The following LRP1B variants were observed in gnomAD, a reference collection of about 807,000 sequenced individuals.
LRP1B encodes LDL receptor related protein 1B.
Under a neutral mutation model 556.6 loss-of-function variants are expected in LRP1B, and 217 were observed. That is an observed-to-expected ratio of 0.39 (90% confidence interval 0.35 to 0.44). The LOEUF (loss-of-function observed/expected upper bound fraction) is 0.44. Ranked by LOEUF, LRP1B falls within the 20% of genes least tolerant of loss-of-function variation. The pLI is 1.00. For missense variants in LRP1B, 5,053 were observed against 5,620.8 expected (o/e 0.90, Z 3.23); for synonymous variants, 2,047 against 1,865.8 (o/e 1.10, Z -2.50).
intron 25 of LRP1B, among the ~76,000 whole-genome samples, chr2:140,882,933 G>A (rs994220591): frequency 5.3e-5 from 8 of 152,158 alleles, no homozygotes; most frequent in African/African-American, 1.4e-4. Context: ...CTTTAGGCTT[G>A]ACAATGACCT....
intron 35 of LRP1B, among the ~76,000 whole-genome samples, chr2:140,736,988 T>C (rs1687968290): frequency 6.6e-6 from 1 of 152,090 alleles, no homozygotes; most frequent in Admixed American, 6.6e-5. Context: ...TAGAGCATTG[T>C]TAAGGCCAAA....
At chr2:140,696,917 T>G (rs531899927) in intron 41 of LRP1B, among the ~76,000 whole-genome samples, 1 of 152,302 alleles carries the variant, frequency 6.6e-6, no homozygotes, top group East Asian at 1.9e-4. Flanking sequence ...TACAGTACAA[T>G]AATTTTATAT....
intron 1 of LRP1B, among the ~76,000 whole-genome samples, chr2:141,841,042 C>T (rs1023516923): frequency 7.9e-5 from 12 of 151,916 alleles, no homozygotes; most frequent in African/African-American, 2.9e-4. Flanking sequence ...AGAGTCAATA[C>T]TTTCTGGAAC....
chr2:140,862,319 A>G lies in LRP1B; in HGVS notation c.4579+5271T>C, dbSNP rs138362656. Among the ~76,000 whole-genome samples the G allele has an allele frequency of 2.2e-3, 335 of 152,298 alleles. 1 individual carries two copies. Among genetic ancestry groups the G allele is most frequent in the African/African-American group, 7.5e-3 (312 of 41,566 alleles). Reference sequence around the variant, plus strand: ...TTCATGGCACATAAAACTTGTATGAAATTCAAATTTCAGTGTCCAGAAATT... The same window carrying G: ...TTCATGGCACATAAAACTTGTATGAGATTCAAATTTCAGTGTCCAGAAATT... On this transcript the variant is annotated intron_variant, in intron 27 of 90. Coordinates refer to ENST00000389484, the MANE Select transcript of LRP1B (RefSeq NM_018557.3).
chr2:140,574,410 T>A (rs1000842154), intron 43 of LRP1B, among the ~76,000 whole-genome samples: 1 of 152,198 alleles, frequency 6.6e-6, no homozygotes, highest in Admixed American at 6.5e-5. Context: ...CTACACAATG[T>A]GCCATAAATG....
At chr2:141,828,013 C>T (rs1276435898) in intron 1 of LRP1B, among the ~76,000 whole-genome samples, 1 of 151,720 alleles carries the variant, frequency 6.6e-6, no homozygotes, top group Non-Finnish European at 1.5e-5. Context: ...CATTATATAG[C>T]CAGTATTTAG....
intron 32 of LRP1B, among the ~76,000 whole-genome samples, chr2:140,788,361 C>T (rs1326773036): frequency 6.6e-6 from 1 of 152,140 alleles, no homozygotes; most frequent in Non-Finnish European, 1.5e-5. Context: ...TGGATTTGCA[C>T]AACTTTTCTA....
intron 50 of LRP1B, 98 bp downstream of exon 50, chr2:140,516,791 C>T (rs1336559737): frequency 5.5e-6 from 6 of 1,083,062 alleles, no homozygotes; most frequent in Non-Finnish European, 8.0e-6. Flanking sequence ...ATGTTAAAAT[C>T]AGCTGACAAT....
At chr2:141,671,039 A>G (rs1489585149) in intron 2 of LRP1B, among the ~76,000 whole-genome samples, 1 of 152,186 alleles carries the variant, frequency 6.6e-6, no homozygotes, top group Non-Finnish European at 1.5e-5. Flanking sequence ...ACATCTTTTC[A>G]TTTCAGAGAA....
chr2:140,846,262 T>C (rs572888794), intron 29 of LRP1B, among the ~76,000 whole-genome samples: 1 of 152,204 alleles, frequency 6.6e-6, no homozygotes, highest in Non-Finnish European at 1.5e-5. Context: ...TGCTCCAAGC[T>C]ACTTACAGCA....
chr2:140,620,393 T>C (rs548677393), intron 41 of LRP1B, among the ~76,000 whole-genome samples: 1 of 152,330 alleles, frequency 6.6e-6, no homozygotes, highest in African/African-American at 2.4e-5. Context: ...AATTGTACTA[T>C]ATACTTCCTA....
chr2:141,801,415 A>G (rs992537837), intron 2 of LRP1B, among the ~76,000 whole-genome samples: 1 of 152,024 alleles, frequency 6.6e-6, no homozygotes, highest in African/African-American at 2.4e-5. Context: ...TGGCTTCCTT[A>G]AACACTGGGA....
chr2:140,248,301 G>T (rs189041907), intron 86 of LRP1B, among the ~76,000 whole-genome samples: 1 of 151,650 alleles, frequency 6.6e-6, no homozygotes, highest in African/African-American at 2.4e-5. Flanking sequence ...TTTCAAAGAA[G>T]CATATATAGA....
intron 3 of LRP1B, among the ~76,000 whole-genome samples, chr2:141,272,621 A>G (rs1156822982): frequency 6.6e-6 from 1 of 152,184 alleles, no homozygotes; most frequent in East Asian, 1.9e-4. Flanking sequence ...AATGGATGGG[A>G]AAAAAATGTA....
chr2:141,454,804 G>T (rs1681567709), intron 3 of LRP1B, among the ~76,000 whole-genome samples: 1 of 152,122 alleles, frequency 6.6e-6, no homozygotes, highest in Non-Finnish European at 1.5e-5. Context: ...GAGAGGAATA[G>T]TGCTACTCTG....
intron 3 of LRP1B, among the ~76,000 whole-genome samples, chr2:141,289,741 A>G (rs1435066450): frequency 1.3e-5 from 2 of 152,146 alleles, no homozygotes; most frequent in African/African-American, 2.4e-5. Context: ...CAAAGATGGG[A>G]TAGGAAAACA....
Position 140,306,009 on chromosome 2 carries a change from G to C in LRP1B, c.12806-8040C>G, listed in dbSNP as rs542632047. Among the ~76,000 whole-genome samples the C allele has an allele frequency of 2.2e-3, 334 of 148,624 alleles. 2 individuals are homozygous for C. The highest frequency in any genetic ancestry group is 8.1e-3 in the African/African-American group (330 of 40,678). ...TGCATCCCAGGGATGAAGCCCACTT[G>C]ATCATGGTGGATAAGCTTTTTGATG... On this transcript the variant is annotated intron_variant, in intron 83 of 90. Coordinates refer to ENST00000389484, the MANE Select transcript of LRP1B (RefSeq NM_018557.3).
At chr2:141,549,479 C>T (rs1298455882) in intron 2 of LRP1B, among the ~76,000 whole-genome samples, 3 of 151,992 alleles carry the variant, frequency 2.0e-5, no homozygotes, top group African/African-American at 7.2e-5. Flanking sequence ...TTTGTTCAGC[C>T]CCAAAAGACT....
rs148137960 is a variant in LRP1B, at chr2:141,062,204, T to C, written c.1083A>G (p.Arg361=). ...VERCDMDGMN[R]TRIIDSKTEQ... Reference sequence around the variant, plus strand: ...CTGTCTTTGAATCAATTATCCTTGTTCGGTTCATCCCATCCATGTCACATC... The same window carrying C: ...CTGTCTTTGAATCAATTATCCTTGTCCGGTTCATCCCATCCATGTCACATC... Residue 361 remains arginine, a synonymous_variant, in exon 8 of 91, where the codon CGA becomes CGG. Transcript: ENST00000389484. The C allele has an allele frequency of 6.2e-7, 1 of 1,611,872 alleles. No homozygotes were observed. Among genetic ancestry groups the C allele is most frequent in the African/African-American group, 1.3e-5 (1 of 74,852 alleles).
Sources: allele counts gnomAD v4.1 joint callset (sites outside exome capture counted in the v4.1 genomes callset), GRCh38; gene constraint gnomAD v4.1.1; transcripts MANE v1.5; gene names NCBI Gene and HGNC (gene_info 2026-07-23, HGNC 2026-07-21).